Variants in RYR2 observed in about 807,000 individuals in gnomAD.
RYR2 encodes cardiac muscle ryanodine receptor-calcium release channel.
A neutral mutation model predicts 601.1 loss-of-function variants in RYR2; 227 were observed. That is an observed-to-expected ratio of 0.38 (90% CI 0.34 to 0.42). The LOEUF (loss-of-function observed/expected upper bound fraction) is 0.42. RYR2 is among the 10% of genes least tolerant of loss of function. RYR2 has a pLI of 1.00. For synonymous variants in RYR2, 2,223 were observed against 2,175.1 expected (o/e 1.02, Z -0.61); for missense variants, 4,646 against 6,156.5 (o/e 0.75, Z 8.21).
chr1:237,058,666 C>G (rs1662465466), intron 1 of RYR2, among the ~76,000 whole-genome samples: 1 of 152,092 alleles, frequency 6.6e-6, no homozygotes, highest in Non-Finnish European at 1.5e-5. Context: ...CCTGTAATCC[C>G]AGCACTTTTG....
chr1:237,069,471 T>C (rs2891826), intron 1 of RYR2, among the ~76,000 whole-genome samples: 118,597 of 151,932 alleles, frequency 0.78, 46,793 homozygotes, highest in East Asian at 0.99. Context: ...GACTTTTGTA[T>C]TGGACTTAAT....
Position 237,674,166 on chromosome 1 carries a change from A to G in RYR2, c.8661A>G (p.Glu2887=), listed in dbSNP as rs1685194407. 6.2e-7 allele frequency: 1 copy of G among 1,612,844 alleles called. No individual in the cohort carries two copies. The change falls in exon 59 of 105, where the codon GAA becomes GAG. Residue 2887 remains glutamate (E), a synonymous_variant. Transcript: ENST00000366574. The stretch of plus-strand genomic sequence containing the variant: ...CCAAAGAGAAAGCCAAGGATAGAGA[A>G]AAAGCACAGGACATCCTCAAGTTCT... The part of the protein sequence containing the change: ...LTAKEKAKDR[E]KAQDILKFLQ...
intron 1 of RYR2, among the ~76,000 whole-genome samples, chr1:237,164,825 C>T (rs140115209): frequency 4.6e-5 from 7 of 152,256 alleles, no homozygotes; most frequent in East Asian, 1.9e-4. Flanking sequence ...TTTTTCTCCA[C>T]GTTTACTGGG....
intron 3 of RYR2, chr1:237,333,501 G>A: frequency 2.5e-6 from 1 of 407,076 alleles, no homozygotes; most frequent in Non-Finnish European, 4.9e-6. Context: ...TGTCCTGGAG[G>A]ACCCCTGGGG....
intron 56 of RYR2, among the ~76,000 whole-genome samples, chr1:237,665,155 C>A (rs1684189288): frequency 6.6e-6 from 1 of 152,074 alleles, no homozygotes; most frequent in Non-Finnish European, 1.5e-5. Flanking sequence ...AATCCCAGCA[C>A]TTTGGGAGGC....
chr1:237,792,368 T>TGTGTGTGCGCGCGC (rs1553327311), intron 94 of RYR2, 45 bp downstream of exon 94: 11 of 928,634 alleles, frequency 1.2e-5, no homozygotes, highest in African/African-American at 4.6e-5. Flanking sequence ...TGTGTGTGTG[T>TGTGTGTGCGCGCGC]GTGTGTGTGT....
intron 2 of RYR2, among the ~76,000 whole-genome samples, chr1:237,318,383 C>T (rs112359281): frequency 0.038 from 5,782 of 152,052 alleles, 254 homozygotes; most frequent in African/African-American, 0.11. Context: ...CTTTTAAAGA[C>T]GTTAAGAAAT....
intron 24 of RYR2, among the ~76,000 whole-genome samples, chr1:237,522,425 C>A (rs1667182698): frequency 6.6e-6 from 1 of 152,242 alleles, no homozygotes; most frequent in South Asian, 2.1e-4. Flanking sequence ...GACAAGCTTG[C>A]CAGATCTAAG....
intron 2 of RYR2, among the ~76,000 whole-genome samples, chr1:237,321,669 A>T (rs1484746430): frequency 1.3e-5 from 2 of 152,178 alleles, no homozygotes. Flanking sequence ...GGGATACTGG[A>T]CTAGGATTTT....
intron 21 of RYR2, among the ~76,000 whole-genome samples, chr1:237,502,521 G>A (rs1664762460): frequency 6.6e-6 from 1 of 152,130 alleles, no homozygotes; most frequent in African/African-American, 2.4e-5. Context: ...GGATGAAACT[G>A]TTCCAGCTCA....
chr1:237,679,828 A>G (rs927484042), intron 61 of RYR2, among the ~76,000 whole-genome samples: 49 of 152,192 alleles, frequency 3.2e-4, no homozygotes, highest in Admixed American at 2.9e-3. Context: ...GATATGGAGT[A>G]TGGGAAGAGC....
Position 237,788,067 on chromosome 1 carries a change from T to C in RYR2, c.13408T>C (p.Tyr4470His). The C allele has an allele frequency of 6.2e-7, 1 of 1,612,228 alleles. No homozygotes were observed. ...QKLRQLHTHR[Y>H]GEPEVPESAF... The stretch of plus-strand genomic sequence containing the variant: ...GTTGAGGCAGCTTCACACACACAGA[T>C]ACGGAGAACCAGAAGTGCCAGAGTC... Residue 4470 changes from tyrosine (Y) to histidine (H), a missense_variant, in exon 92 of 105, where the codon TAC (tyrosine) becomes CAC (histidine). By Grantham distance (83) the Tyr-to-His change is moderately conservative. This residue lies in a region of RYR2 where 364 missense variants were observed against 442.9 expected (regional missense o/e 0.82). Transcript: ENST00000366574.
intron 1 of RYR2, among the ~76,000 whole-genome samples, chr1:237,067,111 C>T (rs1359775811): frequency 6.6e-6 from 1 of 152,096 alleles, no homozygotes; most frequent in East Asian, 1.9e-4. Flanking sequence ...TTTTCTCCCT[C>T]TCAACAGTCT....
chr1:237,733,859 T>C, intron 79 of RYR2, 103 bp downstream of exon 79: 1 of 821,560 alleles, frequency 1.2e-6, no homozygotes, highest in Non-Finnish European at 2.0e-6. Context: ...ATTTCAACTT[T>C]TTGTTTGTAG....
At chr1:237,599,296 TA>T (rs1676233378) in intron 34 of RYR2, among the ~76,000 whole-genome samples, 1 of 152,038 alleles carries the variant, frequency 6.6e-6, no homozygotes, top group Admixed American at 6.6e-5. Context: ...GAAAAAGAAA[TA>T]AAAGGCATCC....
chr1:237,199,297 G>T (rs1374299323), intron 1 of RYR2, among the ~76,000 whole-genome samples: 1 of 152,238 alleles, frequency 6.6e-6, no homozygotes, highest in East Asian at 1.9e-4. Context: ...GAACAAGGAA[G>T]CCCGTCCAAG....
intron 48 of RYR2, among the ~76,000 whole-genome samples, chr1:237,644,916 C>T (rs1681966503): frequency 6.6e-6 from 1 of 152,054 alleles, no homozygotes; most frequent in Admixed American, 6.5e-5. Flanking sequence ...TTTGTAATCC[C>T]AGCTACTCAG....
chr1:237,759,033 C>T (rs551083785), intron 82 of RYR2, among the ~76,000 whole-genome samples: 2 of 152,014 alleles, frequency 1.3e-5, no homozygotes, highest in East Asian at 1.9e-4. Flanking sequence ...ACTGAATTTC[C>T]GTCTATAGCA....
chr1:237,399,583 G>A (rs1223418648), intron 10 of RYR2, among the ~76,000 whole-genome samples: 1 of 152,110 alleles, frequency 6.6e-6, no homozygotes, highest in Non-Finnish European at 1.5e-5. Flanking sequence ...TCTGCAGAAG[G>A]GTGTCACTCA....
Sources: gnomAD v4.1 joint callset for allele counts (sites outside exome capture counted in the v4.1 genomes callset) on GRCh38, gnomAD v4.1.1 for gene constraint, gnomAD v4.1.1 regional missense constraint, MANE v1.5 for transcripts, NCBI Gene and HGNC (gene_info 2026-07-23, HGNC 2026-07-21) for gene names.